GRID2: variants seen among roughly 807,000 people sequenced by gnomAD.
GRID2 encodes the protein glutamate ionotropic receptor delta type subunit 2.
In GRID2, 33 loss-of-function variants were observed where a neutral mutation model predicts 114.8. The ratio of observed to expected loss-of-function variants is 0.29; its 90% CI spans 0.22 to 0.38. GRID2 has a LOEUF of 0.38. GRID2 is among the 10% of genes least tolerant of loss of function. The pLI is 1.00. For missense variants in GRID2, 1,184 were observed against 1,257.7 expected, an observed-to-expected ratio of 0.94 and a Z score of 0.89; for synonymous variants, 505 against 449.9, an observed-to-expected ratio of 1.12 and a Z score of -1.55.
At chr4:93,690,227 C>T (rs1328389568) in intron 14 of GRID2, among the ~76,000 whole-genome samples, 1 of 151,872 alleles carries the variant, frequency 6.6e-6, no homozygotes, top group Non-Finnish European at 1.5e-5. Flanking sequence ...TGTGGGGGTA[C>T]ATACATATAA....
intron 1 of GRID2, among the ~76,000 whole-genome samples, chr4:92,368,942 T>TG (rs1242566147): frequency 8.1e-6 from 1 of 123,420 alleles, no homozygotes; most frequent in Non-Finnish European, 1.8e-5. Flanking sequence ...GAGCAAATTG[T>TG]GAAAAAAAAA....
rs1720856729 is a variant in GRID2 at position 92,450,587 on chromosome 4, ATTGTAT to A, written c.89-139539_89-139534del. On this transcript the variant is annotated intron_variant, in intron 1 of 15. Coordinates refer to ENST00000282020, the MANE Select transcript of GRID2 (RefSeq NM_001510.4). ...AGCTTCACTTTGTGTTTTATTTTAA[ATTGTAT>A]TTGTTATGAGGTGGGCTTTGATGGC... 3.3e-5 allele frequency among the ~76,000 whole-genome samples: 5 copies of A among 151,896 alleles called. No individual in the cohort carries two copies. In the South Asian group the frequency reaches 1.0e-3, roughly 32 times the overall value.
chr4:92,971,534 CTG>C (rs1166712099), intron 2 of GRID2, among the ~76,000 whole-genome samples: 1 of 152,022 alleles, frequency 6.6e-6, no homozygotes, highest in Non-Finnish European at 1.5e-5. Flanking sequence ...TATCATTTCT[CTG>C]TGTGTGAACA....
chr4:92,912,705 AT>A (rs1161465025), intron 2 of GRID2, among the ~76,000 whole-genome samples: 1 of 151,850 alleles, frequency 6.6e-6, no homozygotes, highest in African/African-American at 2.4e-5. Flanking sequence ...ATATTATTTA[AT>A]TGTAGAGGCA....
At chr4:92,422,513 G>T (rs1378747449) in intron 1 of GRID2, among the ~76,000 whole-genome samples, 1 of 152,092 alleles carries the variant, frequency 6.6e-6, no homozygotes, top group Non-Finnish European at 1.5e-5. Flanking sequence ...TGGTGGGGAA[G>T]GGGAAGCCAG....
At chr4:93,582,545 C>T (rs1737086080) in intron 13 of GRID2, among the ~76,000 whole-genome samples, 1 of 152,102 alleles carries the variant, frequency 6.6e-6, no homozygotes. Context: ...CTAGACGTTG[C>T]TTTAGTTTTA....
rs761378308 is a variant in GRID2, at chr4:93,194,556, G to A, written c.736-12848G>A. ...GGCATACTTTTCATAATCCTAATAAGTATCCGGTGTAGCCAGTCTGAAAGC... is the reference window on the plus strand; with the variant it reads ...GGCATACTTTTCATAATCCTAATAAATATCCGGTGTAGCCAGTCTGAAAGC... On this transcript the variant is annotated intron_variant, in intron 4 of 15. Coordinates refer to ENST00000282020, the MANE Select transcript of GRID2 (RefSeq NM_001510.4). Among the ~76,000 whole-genome samples, 49 of 152,074 alleles carry A rather than the reference G, an allele frequency of 3.2e-4. 1 individual carries two copies. Among genetic ancestry groups the A allele is most frequent in the Non-Finnish European group, 6.5e-4 (44 of 68,006 alleles).
chr4:92,954,350 C>G (rs1421294086), intron 2 of GRID2, among the ~76,000 whole-genome samples: 1 of 152,074 alleles, frequency 6.6e-6, no homozygotes, highest in Non-Finnish European at 1.5e-5. Flanking sequence ...ACTGTCATGA[C>G]CTTAGAAATG....
At chr4:93,169,011 C>G (rs1738533027) in intron 4 of GRID2, among the ~76,000 whole-genome samples, 1 of 152,026 alleles carries the variant, frequency 6.6e-6, no homozygotes, top group Non-Finnish European at 1.5e-5. Context: ...AATATTCCCT[C>G]AGATGACTAG....
intron 2 of GRID2, among the ~76,000 whole-genome samples, chr4:93,060,373 G>T (rs1017559554): frequency 6.6e-6 from 1 of 152,114 alleles, no homozygotes. Context: ...CTGACTGCCT[G>T]CTATATTCTG....
At chr4:93,544,398 A>G (rs1035234943) in intron 13 of GRID2, among the ~76,000 whole-genome samples, 2 of 152,196 alleles carry the variant, frequency 1.3e-5, no homozygotes, top group African/African-American at 2.4e-5. Context: ...TGATAATAAT[A>G]ATTACCAATT....
At chr4:92,490,002 T>C (rs143766814) in intron 1 of GRID2, among the ~76,000 whole-genome samples, 116 of 152,252 alleles carry the variant, frequency 7.6e-4, no homozygotes, top group African/African-American at 2.7e-3. Flanking sequence ...AAAAATATGT[T>C]TCCTTAAAAT....
chr4:93,061,272 G>A (rs1727784118), intron 2 of GRID2, among the ~76,000 whole-genome samples: 1 of 141,870 alleles, frequency 7.0e-6, no homozygotes, highest in Non-Finnish European at 1.5e-5. Context: ...TTTCTTATCT[G>A]TGAGTGGGCT....
At position 93,077,029 on chromosome 4, in the gene GRID2, G is replaced by A. The variant is rs188161826; in HGVS notation, c.245-7966G>A. 6.8e-4 allele frequency among the ~76,000 whole-genome samples: 103 copies of A among 152,160 alleles called. 1 individual carries two copies. The highest frequency in any genetic ancestry group is 4.4e-3 in the South Asian group (21 of 4,822). ...TTAAAACATGGGAATGACATAATGC[G>A]ATTCAAAAATAGATATGATTGCTTA... On this transcript the variant is annotated intron_variant, in intron 2 of 15. Coordinates refer to ENST00000282020, the MANE Select transcript of GRID2 (RefSeq NM_001510.4).
At chr4:93,359,835 T>G (rs557335920) in intron 8 of GRID2, among the ~76,000 whole-genome samples, 1 of 110,822 alleles carries the variant, frequency 9.0e-6, no homozygotes, top group Non-Finnish European at 1.7e-5. Flanking sequence ...GGGAAGGCAG[T>G]AGGCATTACA....
At chr4:92,973,600 GA>G (rs1305355773) in intron 2 of GRID2, among the ~76,000 whole-genome samples, 2 of 152,124 alleles carry the variant, frequency 1.3e-5, no homozygotes, top group African/African-American at 4.8e-5. Flanking sequence ...ACAAGTGTAG[GA>G]AGATTAAGAG....
At chr4:92,534,533 T>G (rs548218028) in intron 1 of GRID2, among the ~76,000 whole-genome samples, 3 of 152,298 alleles carry the variant, frequency 2.0e-5, no homozygotes, top group East Asian at 3.9e-4. Context: ...ACTTCTTATG[T>G]GACCACAGGT....
At chr4:92,772,685 T>C (rs960691484) in intron 2 of GRID2, among the ~76,000 whole-genome samples, 4 of 152,192 alleles carry the variant, frequency 2.6e-5, no homozygotes, top group Non-Finnish European at 5.9e-5. Flanking sequence ...CTCTTCATAT[T>C]ACTATGTAGT....
At chr4:93,710,942 G>A (rs1324760477) in intron 14 of GRID2, among the ~76,000 whole-genome samples, 6 of 152,118 alleles carry the variant, frequency 3.9e-5, no homozygotes, top group Admixed American at 3.9e-4. Flanking sequence ...GTCAGCTGGT[G>A]TTGAATCTTG....
Sources: gnomAD v4.1 joint callset for allele counts (sites outside exome capture counted in the v4.1 genomes callset) on GRCh38, gnomAD v4.1.1 for gene constraint, MANE v1.5 for transcripts, NCBI Gene and HGNC (gene_info 2026-07-23, HGNC 2026-07-21) for gene names.